LRCH1: variants seen among roughly 807,000 people sequenced by gnomAD.
The protein encoded by LRCH1 is leucine rich repeats and calponin homology domain containing 1, also known as leucine-rich repeat and calponin homology domain-containing protein 1.
A neutral mutation model predicts 94.9 loss-of-function variants in LRCH1; 23 were observed. The ratio of observed to expected loss-of-function variants is 0.24; its 90% CI spans 0.17 to 0.34. LRCH1 has a LOEUF of 0.34. Among genes scored for constraint, LRCH1 ranks in the 10% least tolerant of loss-of-function variants. The pLI is 1.00. For missense variants in LRCH1, 790 were observed against 945.9 expected, an observed-to-expected ratio of 0.84 and a Z score of 2.16; for synonymous variants, 364 against 354.9, an observed-to-expected ratio of 1.03 and a Z score of -0.29.
intron 1 of LRCH1, among the ~76,000 whole-genome samples, chr13:46,594,652 T>TA (rs1389912950): frequency 6.6e-6 from 1 of 152,166 alleles, no homozygotes; most frequent in Non-Finnish European, 1.5e-5. Flanking sequence ...ATTTAATATT[T>TA]AAAGTTTCTC....
intron 1 of LRCH1, among the ~76,000 whole-genome samples, chr13:46,573,866 A>ATATATATATATATATATTTTTTTTT: frequency 1.6e-5 from 1 of 63,420 alleles, no homozygotes; most frequent in African/African-American, 5.2e-5. Context: ...ATATATATAT[A>ATATATATATATATATATTTTTTTTT]TTTTTTTTTT....
At chr13:46,607,799 G>A (rs1045193537) in intron 1 of LRCH1, among the ~76,000 whole-genome samples, 3 of 151,162 alleles carry the variant, frequency 2.0e-5, no homozygotes, top group African/African-American at 4.8e-5. Flanking sequence ...ACTTCCTGGC[G>A]AGTGAGGGGT....
At chr13:46,577,021 C>T (rs1350822447) in intron 1 of LRCH1, among the ~76,000 whole-genome samples, 5 of 152,178 alleles carry the variant, frequency 3.3e-5, no homozygotes, top group Non-Finnish European at 5.9e-5. Flanking sequence ...TTGTGGAACT[C>T]ATGGTGGCCT....
intron 1 of LRCH1, among the ~76,000 whole-genome samples, chr13:46,603,359 A>T (rs2050652337): frequency 6.6e-6 from 1 of 152,040 alleles, no homozygotes; most frequent in South Asian, 2.1e-4. Context: ...TCTTTCTGTC[A>T]GCCCCATTCT....
exon 19 of LRCH1, chr13:46,750,621 A>G (rs566856627): frequency 5.7e-5 from 88 of 1,551,850 alleles, no homozygotes; most frequent in Non-Finnish European, 7.5e-5. Flanking sequence ...ATTACTAGAC[A>G]TCACCGTAAC....
chr13:46,641,087 C>A (rs1007650937), intron 1 of LRCH1, among the ~76,000 whole-genome samples: 1 of 152,050 alleles, frequency 6.6e-6, no homozygotes, highest in African/African-American at 2.4e-5. Flanking sequence ...TACTGGGGGG[C>A]AGTTCTGAAT....
chr13:46,621,135 C>T (rs764791184), intron 1 of LRCH1, among the ~76,000 whole-genome samples: 1 of 152,238 alleles, frequency 6.6e-6, no homozygotes, highest in Non-Finnish European at 1.5e-5. Flanking sequence ...TTCTCTTACT[C>T]TCTAACATGC....
chr13:46,564,560 A>G lies in LRCH1; in HGVS notation c.307+10857A>G, dbSNP rs1182042677. Among the ~76,000 whole-genome samples, 3 of 152,200 alleles carry G rather than the reference A, an allele frequency of 2.0e-5. 1 individual carries two copies. The highest frequency in any genetic ancestry group is 1.3e-4 in the Admixed American group (2 of 15,288). On this transcript the variant is annotated intron_variant, in intron 1 of 19. Transcript: ENST00000389797. ...GATCAGGGCACTCAGCGGCTGGGAA[A>G]CAAGGGTTGGCATAAGTCAGGGATC... is the stretch of plus-strand genomic sequence containing the variant.
chr13:46,727,041 G>A (rs1872856449), intron 17 of LRCH1, among the ~76,000 whole-genome samples: 1 of 152,134 alleles, frequency 6.6e-6, no homozygotes, highest in African/African-American at 2.4e-5. Flanking sequence ...CACTGATATA[G>A]CAGAGATGTT....
Position 46,742,496 on chromosome 13 carries a change from C to T in LRCH1, c.*648C>T. Reference sequence around the variant, plus strand: ...GGGCAGTGTGGCCGCCAACTTCCACCCCGGCAAGCCCCTCTGTCCTATGCA... The same window carrying T: ...GGGCAGTGTGGCCGCCAACTTCCACTCCGGCAAGCCCCTCTGTCCTATGCA... On this transcript the variant is annotated 3_prime_UTR_variant, in exon 20 of 20. Transcript: ENST00000389797. 1.0e-6 allele frequency: 1 copy of T among 985,450 alleles called. No homozygotes were observed. Among genetic ancestry groups the T allele is most frequent in the Non-Finnish European group, 1.2e-6 (1 of 829,878 alleles). 61.0% of individuals were successfully genotyped at this position (985,450 alleles called of 1,614,324 possible). A position where few individuals can be genotyped will look rare whatever the true frequency, so the allele number is the denominator to read the frequency against.
chr13:46,625,155 C>T (rs532873532), intron 1 of LRCH1, among the ~76,000 whole-genome samples: 1 of 152,382 alleles, frequency 6.6e-6, no homozygotes, highest in South Asian at 2.1e-4. Flanking sequence ...GCCCTGTTGG[C>T]ACGTTGAGGG....
At chr13:46,636,059 C>CTTTTTTT (rs34118906) in intron 1 of LRCH1, among the ~76,000 whole-genome samples, 5 of 73,534 alleles carry the variant, frequency 6.8e-5, no homozygotes, top group African/African-American at 1.1e-4. Context: ...CCATGTCAAC[C>CTTTTTTT]TTTTTTTTTT....
At chr13:46,615,121 CTG>C (rs2050791212) in intron 1 of LRCH1, among the ~76,000 whole-genome samples, 1 of 152,152 alleles carries the variant, frequency 6.6e-6, no homozygotes, top group African/African-American at 2.4e-5. Context: ...GTGTGTTACT[CTG>C]TTCTGTGTTG....
intron 1 of LRCH1, among the ~76,000 whole-genome samples, chr13:46,613,326 G>C (rs916720720): frequency 6.6e-6 from 1 of 151,934 alleles, no homozygotes; most frequent in Non-Finnish European, 1.5e-5. Context: ...GGAGTCAGAG[G>C]TTGCAATGAG....
intron 2 of LRCH1, among the ~76,000 whole-genome samples, chr13:46,657,235 A>C (rs1318216945): frequency 1.3e-5 from 2 of 151,888 alleles, no homozygotes; most frequent in African/African-American, 4.8e-5. Context: ...CCAGCCCCAA[A>C]TGAACAAGTT....
chr13:46,608,084 C>G (rs2050708019), intron 1 of LRCH1, among the ~76,000 whole-genome samples: 1 of 152,098 alleles, frequency 6.6e-6, no homozygotes, highest in African/African-American at 2.4e-5. Flanking sequence ...TGGGGTGTGA[C>G]CCAGGAAGTC....
Position 46,723,336 on chromosome 13 carries a change from C to G in LRCH1, c.1869+6C>G, listed in dbSNP as rs768746326. 16 of 1,560,058 alleles carry G rather than the reference C, an allele frequency of 1.0e-5. No individual in the cohort carries two copies. The African/African-American group carries it at 1.4e-4, about 13-fold the overall frequency. On this transcript the variant is annotated splice_donor_region_variant and intron_variant, in intron 17 of 19. Transcript: ENST00000389797. ...TGGTGGAACAACTTCGTGAGGTACCCAAGAAATATTATGTAACTAAAGGAG... is the reference window on the plus strand; with the variant it reads ...TGGTGGAACAACTTCGTGAGGTACCGAAGAAATATTATGTAACTAAAGGAG...
exon 19 of LRCH1, chr13:46,751,154 G>A (rs1188562640): frequency 6.6e-6 from 1 of 152,078 alleles, no homozygotes; most frequent in Non-Finnish European, 1.5e-5. Context: ...TTATTAGTGA[G>A]TTGTTATTCA....
chr13:46,752,577 A>C (rs1181631747), exon 19 of LRCH1: 2 of 152,238 alleles, frequency 1.3e-5, no homozygotes, highest in African/African-American at 4.8e-5. Context: ...AAATAGCATA[A>C]TGATGTAAAG....
Sources: allele counts gnomAD v4.1 joint callset (sites outside exome capture counted in the v4.1 genomes callset), GRCh38; gene constraint gnomAD v4.1.1; transcripts MANE v1.5; gene names NCBI Gene and HGNC (gene_info 2026-07-23, HGNC 2026-07-21).